CAMSAP3: variants seen among roughly 807,000 people sequenced by gnomAD.
CAMSAP3 encodes the protein calmodulin regulated spectrin associated protein family member 3, also known as calmodulin-regulated spectrin-associated protein 3.
Under a neutral mutation model 112.5 loss-of-function variants are expected in CAMSAP3, and 34 were observed. The ratio of observed to expected loss-of-function variants is 0.30; its 90% CI spans 0.23 to 0.40. CAMSAP3 has a LOEUF of 0.40. Ranked by LOEUF, CAMSAP3 falls within the 10% of genes least tolerant of loss-of-function variation. The pLI is 1.00. For missense variants in CAMSAP3, 1,602 were observed against 1,770.3 expected (o/e 0.90, Z 1.71); for synonymous variants, 868 against 799.8 (o/e 1.09, Z -1.44).
At chr19:7,606,715 T>C in intron 4 of CAMSAP3, 144 bp downstream of exon 4, 1 of 1,609,268 alleles carries the variant, frequency 6.2e-7, no homozygotes, top group African/African-American at 1.3e-5. Flanking sequence ...TCAATCTCTC[T>C]GTGCCCTGCC....
intron 1 of CAMSAP3, among the ~76,000 whole-genome samples, chr19:7,599,538 C>CCATT (rs1387383750): frequency 1.2e-5 from 1 of 81,604 alleles, no homozygotes; most frequent in Non-Finnish European, 2.5e-5. Flanking sequence ...ATCCATCCTT[C>CCATT]CACCCACCCA....
At chr19:7,599,387 C>T (rs796924956) in intron 1 of CAMSAP3, among the ~76,000 whole-genome samples, 2,388 of 33,054 alleles carry the variant, frequency 0.072, 14 homozygotes, top group Middle Eastern at 0.12. Context: ...CATCCATCCA[C>T]CCATCCATCC....
chr19:7,604,733 G>A (rs1439194787), intron 1 of CAMSAP3, among the ~76,000 whole-genome samples: 1 of 152,108 alleles, frequency 6.6e-6, no homozygotes, highest in Non-Finnish European at 1.5e-5. Context: ...TGGGGCAAGG[G>A]ACTTTCCTTC....
Position 7,616,508 on chromosome 19 carries a change from A to C in CAMSAP3, c.3113-15A>C. ...GGGCTTCTGGTGGGCACTGACCTGCAATCTCTGTCCCCAGGCTCTCGGCTG... is the reference window on the plus strand; with the variant it reads ...GGGCTTCTGGTGGGCACTGACCTGCCATCTCTGTCCCCAGGCTCTCGGCTG... On this transcript the variant is annotated splice_polypyrimidine_tract_variant and intron_variant, in intron 13 of 16. Transcript: ENST00000160298. The C allele has an allele frequency of 6.3e-7, 1 of 1,593,352 alleles. No homozygotes were observed. Among genetic ancestry groups the C allele is most frequent in the Non-Finnish European group, 8.6e-7 (1 of 1,161,556 alleles).
At chr19:7,604,549 C>T (rs753737246) in intron 1 of CAMSAP3, among the ~76,000 whole-genome samples, 1 of 152,124 alleles carries the variant, frequency 6.6e-6, no homozygotes, top group Non-Finnish European at 1.5e-5. Flanking sequence ...CCCTTGCCTC[C>T]TCCCTTCAAT....
chr19:7,605,397 T>C lies in CAMSAP3; in HGVS notation c.320T>C (p.Leu107Pro). 6.5e-7 allele frequency: 1 copy of C among 1,535,388 alleles called. No homozygotes were observed. Among genetic ancestry groups the C allele is most frequent in the Non-Finnish European group, 8.8e-7 (1 of 1,136,362 alleles). The change falls in exon 2 of 17, where the codon CTG becomes CCG. Residue 107 changes from leucine to proline, a missense_variant. By Grantham distance (98) the Leu-to-Pro change is moderately conservative (BLOSUM62 -3). Around this residue, in one of 6 missense-constraint regions of CAMSAP3, gnomAD observed 147 missense variants for 144.6 expected, o/e 1.02. Transcript: ENST00000160298. ...TPPNPSALLA[L>P]LARRGTVPAL... The stretch of plus-strand genomic sequence containing the variant: ...CCCAACCCCTCTGCACTGCTGGCCC[T>C]GCTGGCGCGGAGGGGCACAGTGCCT...
rs2030917077 is a variant in CAMSAP3 at position 7,618,171 on chromosome 19, C to T, written c.*114C>T. On this transcript the variant is annotated 3_prime_UTR_variant, in exon 17 of 17. Transcript: ENST00000160298. ...TGTCCCCAACCGTGTCTGGGTGGGG[C>T]TGGAGTCTCCACCCTCTGACTTTGA... is the stretch of plus-strand genomic sequence containing the variant. The T allele has an allele frequency of 1.7e-6, 2 of 1,175,034 alleles. No homozygotes were observed. Among genetic ancestry groups the T allele is most frequent in the Non-Finnish European group, 2.4e-6 (2 of 847,820 alleles). The allele number at this position is 1,175,034 out of a possible 1,614,324, so 72.8% of individuals were successfully genotyped here.
At position 7,611,575 on chromosome 19, in the gene CAMSAP3, C is replaced by T. The variant is rs755315360; in HGVS notation, c.1182C>T (p.Asn394=). ...SHMEALGKAW[N]RQLSRPLSQA... ...TGGAGGCCCTGGGCAAGGCCTGGAACCGGCAGCTCAGGTGAGTAGACCTCA... is the reference window on the plus strand; with the variant it reads ...TGGAGGCCCTGGGCAAGGCCTGGAATCGGCAGCTCAGGTGAGTAGACCTCA... The change falls in exon 10 of 17, where the codon AAC becomes AAT. Residue 394 remains asparagine (N), a synonymous_variant. Transcript: ENST00000160298. The surrounding 1 kb of genome is among the most constrained non-coding windows in gnomAD (Gnocchi z 6.9). 1.4e-5 allele frequency: 23 copies of T among 1,612,348 alleles called. No individual in the cohort carries two copies. The highest frequency in any genetic ancestry group is 1.9e-5 in the Non-Finnish European group (23 of 1,179,772).
chr19:7,607,909 C>A lies in CAMSAP3; in HGVS notation c.622-217C>A. 1.2e-6 allele frequency: 1 copy of A among 835,908 alleles called. No homozygotes were observed. Among genetic ancestry groups the A allele is most frequent in the Non-Finnish European group, 2.0e-6 (1 of 498,088 alleles). The allele number at this position is 835,908 out of a possible 1,614,324, so 51.8% of individuals were successfully genotyped here. A position where few individuals can be genotyped will look rare whatever the true frequency, so the allele number is the denominator to read the frequency against. ...CCCCGGGGTCCCAGGAGTCCCTGTC[C>A]CCAGCCCCCGCTGCTGGCCTGGCTG... On this transcript the variant is annotated intron_variant, in intron 4 of 16. Transcript: ENST00000160298. The surrounding 1 kb of genome is among the most constrained non-coding windows in gnomAD (Gnocchi z 4.9).
chr19:7,604,421 C>G (rs993030531), intron 1 of CAMSAP3, among the ~76,000 whole-genome samples: 1 of 152,104 alleles, frequency 6.6e-6, no homozygotes, highest in Non-Finnish European at 1.5e-5. Flanking sequence ...CTCAAAGCCC[C>G]TCACATTCAA....
Position 7,615,036 on chromosome 19 carries a change from C to A in CAMSAP3, c.2671-147C>A. ...TCCCAGTACTTAGTGTGGGGCTGTG[C>A]ATACAGTAGGCACCAACTAAGTGCA... On this transcript the variant is annotated intron_variant, in intron 11 of 16. Coordinates refer to ENST00000160298, the MANE Select transcript of CAMSAP3 (RefSeq NM_020902.2). This position sits in a 1 kb window ranked among gnomAD's most constrained non-coding sequence, Gnocchi z 6.5. The A allele has an allele frequency of 1.1e-6, 1 of 902,434 alleles. No individual in the cohort carries two copies. The highest frequency in any genetic ancestry group is 1.7e-6 in the Non-Finnish European group (1 of 572,672). The allele number at this position is 902,434 out of a possible 1,614,324, so 55.9% of individuals were successfully genotyped here.
In CAMSAP3 at chr19:7,612,521, C is replaced by T; in HGVS notation, c.2028C>T (p.Thr676=). The T allele has an allele frequency of 2.6e-6, 4 of 1,538,780 alleles. No homozygotes were observed. The highest frequency in any genetic ancestry group is 3.5e-6 in the Non-Finnish European group (4 of 1,145,260). ...RPAGEGQGEP[T]SRPKAVTFSP... is the part of the protein sequence containing the mutation. ...CAGGCGAGGGCCAGGGTGAGCCAAC[C>T]TCACGGCCCAAGGCAGTGACCTTCT... is the stretch of plus-strand genomic sequence containing the variant. The change falls in exon 11 of 17, where the codon ACC becomes ACT. Residue 676 remains threonine, a synonymous_variant. Transcript: ENST00000160298.
intron 1 of CAMSAP3, among the ~76,000 whole-genome samples, chr19:7,599,521 C>T (rs1293542633): frequency 2.7e-5 from 3 of 109,300 alleles, no homozygotes; most frequent in Non-Finnish European, 3.7e-5. Context: ...CATCCATCCA[C>T]CCACTCATCC....
rs954397279 is a variant in CAMSAP3, at chr19:7,606,371, A to G, written c.503A>G (p.Lys168Arg). ...GPLALTSLEH[K>R]LLFWVDTTVR... is the part of the protein sequence containing the mutation. ...TTGGCCCTGACCAGCTTGGAGCACAAGCTGCTTTTCTGGGTGGACACGGTA... is the reference window on the plus strand; with the variant it reads ...TTGGCCCTGACCAGCTTGGAGCACAGGCTGCTTTTCTGGGTGGACACGGTA... The change falls in exon 3 of 17, where the codon AAG (lysine) becomes AGG (arginine). Residue 168 changes from lysine (K) to arginine (R), a missense_variant. This residue lies in a region of CAMSAP3 where 112 missense variants were observed against 94.2 expected (regional missense o/e 1.19). Transcript: ENST00000160298. The G allele has an allele frequency of 1.2e-5, 19 of 1,613,570 alleles. No individual in the cohort carries two copies. The highest frequency in any genetic ancestry group is 6.6e-5 in the South Asian group (6 of 91,074).
In CAMSAP3 at chr19:7,612,228, G is replaced by A. The variant is rs886289719; in HGVS notation, c.1735G>A (p.Ala579Thr). The change falls in exon 11 of 17, where the codon GCT becomes ACT. Residue 579 changes from alanine (A) to threonine (T), a missense_variant. By Grantham distance (58) the Ala-to-Thr change is moderately conservative (BLOSUM62 0). Around this residue, in one of 6 missense-constraint regions of CAMSAP3, gnomAD observed 1,100 missense variants for 1,135.7 expected, o/e 0.97. Transcript: ENST00000160298. The part of the protein sequence containing the change: ...ERKKQLVKAE[A>T]EAGAGSPTST... Reference sequence around the variant, plus strand: ...CAAGAAACAGCTGGTGAAGGCAGAGGCTGAGGCCGGAGCGGGGTCCCCCAC... The same window carrying A: ...CAAGAAACAGCTGGTGAAGGCAGAGACTGAGGCCGGAGCGGGGTCCCCCAC... 6.3e-7 allele frequency: 1 copy of A among 1,593,602 alleles called. No individual in the cohort carries two copies. The highest frequency in any genetic ancestry group is 8.5e-7 in the Non-Finnish European group (1 of 1,170,894).
chr19:7,614,781 C>T, intron 11 of CAMSAP3: 1 of 266,956 alleles, frequency 3.7e-6, no homozygotes, highest in Admixed American at 4.9e-5. Context: ...GCCTGGAACG[C>T]TCTGCTCTGT....
rs746922525 is a variant in CAMSAP3 at position 7,617,693 on chromosome 19, TGGTG to T, written c.3445-45_3445-42del. The T allele has an allele frequency of 3.7e-6, 6 of 1,610,802 alleles. No homozygotes were observed. In the East Asian group the frequency reaches 8.9e-5, roughly 24 times the overall value. ...CCGCCCACACGTGGGAGTTGGGGGC[TGGTG>T]GGTGGGTGGGTGGCCTGACTTGGCC... On this transcript the variant is annotated intron_variant, in intron 16 of 16. Transcript: ENST00000160298. The surrounding 1 kb of genome is among the most constrained non-coding windows in gnomAD (Gnocchi z 7.5).
Position 7,604,792 on chromosome 19 carries a change from C to T in CAMSAP3, c.149-434C>T, listed in dbSNP as rs541905590. Among the ~76,000 whole-genome samples, 4 of 152,304 alleles carry T rather than the reference C, an allele frequency of 2.6e-5. No homozygotes were observed. The South Asian group carries it at 8.3e-4, about 32-fold the overall frequency. On this transcript the variant is annotated intron_variant, in intron 1 of 16. Transcript: ENST00000160298. ...GTAACATGGGGGTTGCCAATTGGGC[C>T]CTGGCTGCCTCCTAGCGTTGATGTA... is the stretch of plus-strand genomic sequence containing the variant.
Position 7,611,151 on chromosome 19 carries a change from C to T in CAMSAP3, c.1106C>T (p.Pro369Leu), listed in dbSNP as rs1216539068. The T allele has an allele frequency of 1.2e-6, 2 of 1,613,624 alleles. No individual in the cohort carries two copies. The highest frequency in any genetic ancestry group is 1.3e-5 in the African/African-American group (1 of 75,032). ...PLLSSGGPQS[P>L]LRGSTGSLKS... Reference sequence around the variant, plus strand: ...CTGTCATCTGGTGGCCCCCAGTCCCCACTCCGAGGATCCACAGGTGAGGAG... The same window carrying T: ...CTGTCATCTGGTGGCCCCCAGTCCCTACTCCGAGGATCCACAGGTGAGGAG... The change falls in exon 9 of 17, where the codon CCA (proline) becomes CTA (leucine). Residue 369 changes from proline (P) to leucine (L), a missense_variant. Around this residue, in one of 6 missense-constraint regions of CAMSAP3, gnomAD observed 1,100 missense variants for 1,135.7 expected, o/e 0.97. Transcript: ENST00000160298. The surrounding 1 kb of genome is among the most constrained non-coding windows in gnomAD (Gnocchi z 6.9).
Sources: gnomAD v4.1 joint callset for allele counts (sites outside exome capture counted in the v4.1 genomes callset) on GRCh38, gnomAD v4.1.1 for gene constraint, gnomAD v4.1.1 regional missense constraint, Gnocchi (gnomAD v3.1) non-coding constraint, MANE v1.5 for transcripts, NCBI Gene and HGNC (gene_info 2026-07-23, HGNC 2026-07-21) for gene names.